Variants in CMSS1 observed in about 807,000 individuals in gnomAD.
CMSS1 encodes the protein protein CMSS1.
Under a neutral mutation model 43.5 loss-of-function variants are expected in CMSS1, and 33 were observed. The observed-to-expected ratio is 0.76, with a 90% CI of 0.57 to 1.01. CMSS1 has a LOEUF of 1.01. Ranked by LOEUF, CMSS1 falls within the 50% of genes least tolerant of loss-of-function variation. The pLI is 0.00. For synonymous variants in CMSS1, 115 were observed against 117.2 expected (o/e 0.98, Z 0.12); for missense variants, 313 against 326.4 (o/e 0.96, Z 0.32).
chr3:99,850,702 T>C (rs751146930), intron 1 of CMSS1: 1 of 1,614,186 alleles, frequency 6.2e-7, no homozygotes, highest in South Asian at 1.1e-5. Flanking sequence ...TGCCAGCTTT[T>C]GTTGAAGCTG....
At chr3:99,853,997 T>C (rs986115083) in intron 1 of CMSS1, among the ~76,000 whole-genome samples, 2 of 152,212 alleles carry the variant, frequency 1.3e-5, no homozygotes, top group Admixed American at 6.5e-5. Context: ...TGTGTGGTTG[T>C]ACATGTGTGT....
intron 1 of CMSS1, among the ~76,000 whole-genome samples, chr3:99,920,591 G>A (rs866992251): frequency 5.9e-5 from 9 of 152,288 alleles, no homozygotes; most frequent in African/African-American, 9.6e-5. Context: ...AGACCAAACC[G>A]CACAGATTAC....
chr3:100,027,127 A>T (rs540809487), intron 1 of CMSS1, among the ~76,000 whole-genome samples: 2 of 152,156 alleles, frequency 1.3e-5, no homozygotes, highest in South Asian at 4.2e-4. Context: ...ATCTAAACTT[A>T]CACACATGAA....
intron 4 of CMSS1, 97 bp from the exon 5 acceptor site, chr3:100,166,238 T>C: frequency 1.3e-6 from 1 of 773,410 alleles, no homozygotes; most frequent in Non-Finnish European, 2.2e-6. Context: ...ACTAATATTT[T>C]ACAACCTTAT....
Position 100,048,476 on chromosome 3 carries a change from C to T in CMSS1, c.65-98497C>T, listed in dbSNP as rs961766046. Among the ~76,000 whole-genome samples, 4 of 152,102 alleles carry T rather than the reference C, an allele frequency of 2.6e-5. No homozygotes were observed. The South Asian group carries it at 8.3e-4, about 31-fold the overall frequency. Reference sequence around the variant, plus strand: ...TGGCTAACCGAGGCAAGCTGTGACACGGAGCTCACTCCATCTCAGTCAGAG... The same window carrying T: ...TGGCTAACCGAGGCAAGCTGTGACATGGAGCTCACTCCATCTCAGTCAGAG... On this transcript the variant is annotated intron_variant, in intron 1 of 9. Coordinates refer to ENST00000421999, the MANE Select transcript of CMSS1 (RefSeq NM_032359.4).
At chr3:100,095,238 T>G (rs1173241125) in intron 1 of CMSS1, among the ~76,000 whole-genome samples, 1 of 152,190 alleles carries the variant, frequency 6.6e-6, no homozygotes, top group African/African-American at 2.4e-5. Flanking sequence ...TCCATATAAA[T>G]TTTAGATCAT....
chr3:99,943,513 G>A (rs184039704), intron 1 of CMSS1, among the ~76,000 whole-genome samples: 1 of 152,264 alleles, frequency 6.6e-6, no homozygotes, highest in East Asian at 1.9e-4. Flanking sequence ...AGACCAGCCT[G>A]ACCAATATGG....
chr3:100,076,558 G>A (rs986447474), intron 1 of CMSS1, among the ~76,000 whole-genome samples: 3 of 152,108 alleles, frequency 2.0e-5, no homozygotes, highest in East Asian at 1.9e-4. Flanking sequence ...ACATGCTTTC[G>A]AGGTTTCATC....
At chr3:100,169,663 C>T (rs905595029) in intron 6 of CMSS1, among the ~76,000 whole-genome samples, 1 of 152,242 alleles carries the variant, frequency 6.6e-6, no homozygotes, top group Non-Finnish European at 1.5e-5. Context: ...ATATAATCTC[C>T]CAGTGAAACA....
At chr3:99,872,299 G>A (rs930016426) in intron 1 of CMSS1, among the ~76,000 whole-genome samples, 1 of 151,290 alleles carries the variant, frequency 6.6e-6, no homozygotes, top group Non-Finnish European at 1.5e-5. Flanking sequence ...GTGTGTGTGT[G>A]TGTGTGTGTG....
intron 1 of CMSS1, among the ~76,000 whole-genome samples, chr3:99,890,607 T>C (rs1706053889): frequency 6.6e-6 from 1 of 152,176 alleles, no homozygotes; most frequent in Admixed American, 6.5e-5. Flanking sequence ...TCCAGTTTAC[T>C]AATTCTCATT....
At chr3:99,854,577 G>A (rs947867072) in intron 1 of CMSS1, among the ~76,000 whole-genome samples, 2 of 152,086 alleles carry the variant, frequency 1.3e-5, no homozygotes, top group Non-Finnish European at 2.9e-5. Context: ...GATATTTGGG[G>A]CCAGATAATT....
At chr3:99,834,302 T>C (rs1942806309) in intron 1 of CMSS1, among the ~76,000 whole-genome samples, 1 of 152,262 alleles carries the variant, frequency 6.6e-6, no homozygotes, top group Admixed American at 6.5e-5. Flanking sequence ...AATAGTGTTC[T>C]ACTTCTATGG....
At chr3:99,987,975 C>T (rs1039652132) in intron 1 of CMSS1, among the ~76,000 whole-genome samples, 1 of 152,134 alleles carries the variant, frequency 6.6e-6, no homozygotes, top group Non-Finnish European at 1.5e-5. Flanking sequence ...CATTCTGTTT[C>T]TTAAGAATAG....
intron 1 of CMSS1, among the ~76,000 whole-genome samples, chr3:99,839,262 C>G (rs1943028595): frequency 6.6e-6 from 1 of 152,168 alleles, no homozygotes; most frequent in South Asian, 2.1e-4. Context: ...ACCTTTTAAG[C>G]TACCCCTTAA....
chr3:100,044,844 C>T (rs1434887407), intron 1 of CMSS1, among the ~76,000 whole-genome samples: 2 of 152,152 alleles, frequency 1.3e-5, no homozygotes, highest in African/African-American at 4.8e-5. Context: ...GTTAATGGCT[C>T]CAAAACAGAT....
intron 1 of CMSS1, among the ~76,000 whole-genome samples, chr3:100,022,756 A>G (rs1028376859): frequency 6.6e-6 from 1 of 152,094 alleles, no homozygotes; most frequent in Non-Finnish European, 1.5e-5. Flanking sequence ...TCCCATGGTT[A>G]TTTTCTGCTG....
chr3:99,828,411 ATT>A (rs3037708), intron 1 of CMSS1, among the ~76,000 whole-genome samples: 1 of 139,540 alleles, frequency 7.2e-6, no homozygotes, highest in South Asian at 2.2e-4. Context: ...ACATACGTGT[ATT>A]TTTTTTTTTT....
At chr3:99,853,152 C>A (rs1943788769) in intron 1 of CMSS1, among the ~76,000 whole-genome samples, 1 of 152,136 alleles carries the variant, frequency 6.6e-6, no homozygotes, top group South Asian at 2.1e-4. Context: ...ACTTCTCAAC[C>A]CAGTGGCAGA....
Sources: gnomAD v4.1 joint callset for allele counts (sites outside exome capture counted in the v4.1 genomes callset) on GRCh38, gnomAD v4.1.1 for gene constraint, MANE v1.5 for transcripts, NCBI Gene and HGNC (gene_info 2026-07-23, HGNC 2026-07-21) for gene names.